The following UNC5B variants were observed in gnomAD, a reference collection of about 807,000 sequenced individuals.
UNC5B encodes the protein unc-5 netrin receptor B.
UNC5B carries 56 observed loss-of-function variants against 103.7 expected under a neutral mutation model. The observed-to-expected ratio is 0.54, with a 90% CI of 0.44 to 0.67. The LOEUF (loss-of-function observed/expected upper bound fraction) is 0.67. Among genes scored for constraint, UNC5B ranks in the 30% least tolerant of loss-of-function variants. UNC5B has a pLI of 0.00. For synonymous variants in UNC5B, 577 were observed against 542.0 expected (o/e 1.06, Z -0.90); for missense variants, 1,194 against 1,284.5 (o/e 0.93, Z 1.08).
At chr10:71,298,440 A>G (rs1845500863) in intron 16 of UNC5B, among the ~76,000 whole-genome samples, 1 of 152,188 alleles carries the variant, frequency 6.6e-6, no homozygotes, top group Non-Finnish European at 1.5e-5. Context: ...CCTGGTATCT[A>G]GGACAGAGAA....
chr10:71,274,179 A>G (rs950990177), intron 1 of UNC5B, among the ~76,000 whole-genome samples: 9 of 152,010 alleles, frequency 5.9e-5, no homozygotes, highest in African/African-American at 1.9e-4. Flanking sequence ...TGGCCAAGAT[A>G]GTGAAACCCT....
At chr10:71,275,106 G>A (rs918018864) in intron 1 of UNC5B, among the ~76,000 whole-genome samples, 4 of 152,188 alleles carry the variant, frequency 2.6e-5, no homozygotes, top group Non-Finnish European at 5.9e-5. Flanking sequence ...GCGATCTTTC[G>A]TGTCCTTCAT....
intron 6 of UNC5B, 62 bp from the exon 7 acceptor site, chr10:71,288,506 C>A: frequency 6.4e-7 from 1 of 1,570,020 alleles, no homozygotes; most frequent in South Asian, 1.2e-5. Context: ...CTGTTCTGCA[C>A]ACATAACTAT....
intron 7 of UNC5B, 86 bp downstream of exon 7, chr10:71,288,818 C>A (rs569854185): frequency 6.5e-7 from 1 of 1,544,566 alleles, no homozygotes; most frequent in Admixed American, 1.9e-5. Context: ...TGCCTCAGTG[C>A]CCAGCCTGCA....
In UNC5B at chr10:71,299,767, A is replaced by G. The variant is rs1845543584; in HGVS notation, c.*490A>G. Reference sequence around the variant, plus strand: ...TCAGACAAACTGCTTTCTCCTGTCCAAAAGCAAAAAGGCAAAGGAAAGAAA... The same window carrying G: ...TCAGACAAACTGCTTTCTCCTGTCCGAAAGCAAAAAGGCAAAGGAAAGAAA... On this transcript the variant is annotated 3_prime_UTR_variant, in exon 17 of 17. Coordinates refer to ENST00000335350, the MANE Select transcript of UNC5B (RefSeq NM_170744.5). 6.5e-6 allele frequency: 1 copy of G among 152,888 alleles called. No homozygotes were observed. The highest frequency in any genetic ancestry group is 2.4e-5 in the African/African-American group (1 of 41,474). The allele number at this position is 152,888 out of a possible 1,614,324, so 9.5% of individuals were successfully genotyped here. A position where few individuals can be genotyped will look rare whatever the true frequency, so the allele number is the denominator to read the frequency against.
intron 15 of UNC5B, 134 bp from the exon 16 acceptor site, chr10:71,297,775 C>G (rs1252654308): frequency 9.7e-7 from 1 of 1,030,534 alleles, no homozygotes; most frequent in Non-Finnish European, 1.4e-6. Flanking sequence ...AAGCCCCTGC[C>G]TGAACAGTGG....
intron 1 of UNC5B, among the ~76,000 whole-genome samples, chr10:71,269,593 G>A (rs1844599281): frequency 6.6e-6 from 1 of 151,944 alleles, no homozygotes; most frequent in Admixed American, 6.6e-5. Flanking sequence ...AACCCCCTCT[G>A]ACTGCTCCCT....
chr10:71,222,260 G>C (rs749074770), intron 1 of UNC5B, among the ~76,000 whole-genome samples: 2 of 152,166 alleles, frequency 1.3e-5, no homozygotes, highest in Non-Finnish European at 2.9e-5. Context: ...TCTACATTCA[G>C]CTTCTGACTC....
At chr10:71,260,667 T>C (rs1031852523) in intron 1 of UNC5B, among the ~76,000 whole-genome samples, 5 of 152,180 alleles carry the variant, frequency 3.3e-5, no homozygotes, top group African/African-American at 1.2e-4. Context: ...CAGCAGGCCG[T>C]CCTCATTAAA....
chr10:71,295,176 C>T (rs892107624), intron 13 of UNC5B, among the ~76,000 whole-genome samples: 3 of 152,202 alleles, frequency 2.0e-5, no homozygotes, highest in African/African-American at 7.2e-5. Flanking sequence ...CTTGAGATGC[C>T]AGTGGCCCTG....
intron 1 of UNC5B, among the ~76,000 whole-genome samples, chr10:71,219,099 T>C (rs1175710889): frequency 6.6e-6 from 1 of 152,034 alleles, no homozygotes; most frequent in Non-Finnish European, 1.5e-5. Flanking sequence ...AAAATCACAG[T>C]CCCTCGCCCC....
At chr10:71,271,982 C>G in intron 1 of UNC5B, among the ~76,000 whole-genome samples, 1 of 152,122 alleles carries the variant, frequency 6.6e-6, no homozygotes, top group African/African-American at 2.4e-5. Flanking sequence ...CGAGGGGGCC[C>G]CTGCCTGAAC....
intron 1 of UNC5B, among the ~76,000 whole-genome samples, chr10:71,278,623 C>A (rs1432254668): frequency 6.6e-6 from 1 of 152,250 alleles, no homozygotes; most frequent in Admixed American, 6.5e-5. Context: ...GCCCCTCTGA[C>A]TGTAGGGGGG....
chr10:71,227,196 G>T (rs1341779127), intron 1 of UNC5B, among the ~76,000 whole-genome samples: 1 of 152,078 alleles, frequency 6.6e-6, no homozygotes, highest in Non-Finnish European at 1.5e-5. Flanking sequence ...TGTTGGCCAG[G>T]CTGGTCTCGA....
chr10:71,263,544 A>G (rs1844460863), intron 1 of UNC5B, among the ~76,000 whole-genome samples: 1 of 152,146 alleles, frequency 6.6e-6, no homozygotes, highest in Admixed American at 6.5e-5. Context: ...TGAGCTAGAT[A>G]GAGCCAGCCC....
Position 71,285,354 on chromosome 10 carries a change from T to G in UNC5B, c.477T>G (p.Pro159=). The change falls in exon 4 of 17, where the codon CCT becomes CCG. Residue 159 remains proline (P), a synonymous_variant. Transcript: ENST00000335350. Reference sequence around the variant, plus strand: ...TGCGCAAGAACTTCGATCAGGAGCCTCTGGGCAAGGAGGTGCCCCTGGACC... The same window carrying G: ...TGCGCAAGAACTTCGATCAGGAGCCGCTGGGCAAGGAGGTGCCCCTGGACC... ...AYLRKNFDQE[P]LGKEVPLDHE... The G allele has an allele frequency of 6.2e-7, 1 of 1,611,536 alleles. No homozygotes were observed. The highest frequency in any genetic ancestry group is 8.5e-7 in the Non-Finnish European group (1 of 1,179,196).
chr10:71,287,662 G>C lies in UNC5B; in HGVS notation c.798G>C (p.Trp266Cys), dbSNP rs745579208. ...SPCSNRCGRG[W>C]QKRTRTCTNP... ...GCTCCAACCGCTGTGGCCGAGGCTG[G>C]CAGAAGCGCACCCGGACCTGCACCA... Residue 266 changes from tryptophan to cysteine, a missense_variant, in exon 6 of 17, where the codon TGG becomes TGC. Transcript: ENST00000335350. 1 of 1,613,014 alleles carries C rather than the reference G, an allele frequency of 6.2e-7. No homozygotes were observed.
Position 71,302,373 on chromosome 10 carries a change from G to A in UNC5B, c.*3096G>A. On this transcript the variant is annotated 3_prime_UTR_variant, in exon 17 of 17. Transcript: ENST00000335350. ...TGTCCCCACCTGAGCGAGCGTGTGT[G>A]TGTGCTCCTCTGCGTCCCAGGTTTG... 6.6e-6 allele frequency: 1 copy of A among 152,444 alleles called. No homozygotes were observed. The highest frequency in any genetic ancestry group is 1.5e-5 in the Non-Finnish European group (1 of 68,112). 9.4% of individuals were successfully genotyped at this position (152,444 alleles called of 1,614,324 possible).
intron 1 of UNC5B, among the ~76,000 whole-genome samples, chr10:71,225,075 A>G (rs1222174213): frequency 6.6e-6 from 1 of 152,212 alleles, no homozygotes; most frequent in East Asian, 1.9e-4. Context: ...ACATTTGGAA[A>G]GAGCACTGGA....
Sources: allele counts gnomAD v4.1 joint callset (sites outside exome capture counted in the v4.1 genomes callset), GRCh38; gene constraint gnomAD v4.1.1; transcripts MANE v1.5; gene names NCBI Gene and HGNC (gene_info 2026-07-23, HGNC 2026-07-21).